The following LGSN variants were observed in gnomAD, a reference collection of about 807,000 sequenced individuals.
LGSN encodes the protein lengsin, lens protein with glutamine synthetase domain, also known as lengsin.
LGSN carries 21 observed loss-of-function variants against 19.5 expected under a neutral mutation model. The observed-to-expected ratio is 1.07, with a 90% CI of 0.76 to 1.55. The LOEUF (loss-of-function observed/expected upper bound fraction) is 1.55, where lower values mean the gene tolerates loss of function less well. Ranked by LOEUF, LGSN falls within the 40% of genes most tolerant of loss-of-function variation. The pLI, the probability that LGSN is intolerant of heterozygous loss-of-function variation, is 0.00. For synonymous variants in LGSN, 257 were observed against 215.6 expected (o/e 1.19, Z -1.68); for missense variants, 673 against 608.5 (o/e 1.11, Z -1.12).
the LGSN span, among the ~76,000 whole-genome samples, chr6:63,378,217 T>C: frequency 6.6e-6 from 1 of 152,046 alleles, no homozygotes; most frequent in African/African-American, 2.4e-5. Flanking sequence ...AGACAACATC[T>C]CATATCCGCA....
At chr6:63,405,468 A>T in the LGSN span, among the ~76,000 whole-genome samples, 17,523 of 152,064 alleles carry the variant, frequency 0.12, 2,015 homozygotes, top group African/African-American at 0.3. Flanking sequence ...TCAGCACCTG[A>T]TGTTTCCTGA....
At chr6:63,375,016 A>G in the LGSN span, among the ~76,000 whole-genome samples, 1 of 152,186 alleles carries the variant, frequency 6.6e-6, no homozygotes, top group African/African-American at 2.4e-5. Flanking sequence ...TTTGACACAA[A>G]TGTTTCCTAA....
chr6:63,315,966 A>G (rs960388952), intron 1 of LGSN, among the ~76,000 whole-genome samples: 2 of 152,008 alleles, frequency 1.3e-5, no homozygotes, highest in Admixed American at 6.6e-5. Context: ...ATCCAGATAA[A>G]TTGCTTGGAA....
At chr6:63,368,266 G>A in the LGSN span, among the ~76,000 whole-genome samples, 2 of 152,110 alleles carry the variant, frequency 1.3e-5, no homozygotes, top group Non-Finnish European at 1.5e-5. Context: ...GACCCTTAAA[G>A]GCTATCTGGT....
chr6:63,480,773 A>G, the LGSN span, among the ~76,000 whole-genome samples: 2 of 151,326 alleles, frequency 1.3e-5, no homozygotes, highest in Admixed American at 1.3e-4. Flanking sequence ...CATTTGGTCC[A>G]GCAATTCCAC....
At chr6:63,531,388 T>C in the LGSN span, among the ~76,000 whole-genome samples, 1 of 112,056 alleles carries the variant, frequency 8.9e-6, no homozygotes, top group Non-Finnish European at 1.7e-5. Flanking sequence ...AAAATGAACA[T>C]TTATTTGGAA....
the LGSN span, among the ~76,000 whole-genome samples, chr6:63,332,164 T>C: frequency 1.1e-4 from 16 of 152,282 alleles, no homozygotes; most frequent in Admixed American, 2.6e-4. Flanking sequence ...GACAGGGCTT[T>C]GGGCAAAAAT....
At chr6:63,429,643 G>A in the LGSN span, among the ~76,000 whole-genome samples, 2 of 151,824 alleles carry the variant, frequency 1.3e-5, no homozygotes, top group Admixed American at 6.6e-5. Flanking sequence ...AGCTGAGGCA[G>A]GAGAATCGCT....
At chr6:63,549,545 T>C in the LGSN span, 59 of 627,418 alleles carry the variant, frequency 9.4e-5, no homozygotes, top group Middle Eastern at 2.1e-3. Flanking sequence ...TTAAAGGTGA[T>C]AAATGTTGAC....
chr6:63,386,130 A>T, the LGSN span, among the ~76,000 whole-genome samples: 8 of 152,240 alleles, frequency 5.3e-5, no homozygotes, highest in Admixed American at 1.3e-4. Context: ...AAGGATTTAT[A>T]AAATATTAAA....
At chr6:63,556,572 A>G in the LGSN span, among the ~76,000 whole-genome samples, 5 of 152,156 alleles carry the variant, frequency 3.3e-5, no homozygotes, top group African/African-American at 1.2e-4. Flanking sequence ...TATGCCTCAT[A>G]ATGCATAATG....
At chr6:63,305,359 G>T (rs1768340766) in intron 1 of LGSN, among the ~76,000 whole-genome samples, 1 of 152,140 alleles carries the variant, frequency 6.6e-6, no homozygotes, top group Non-Finnish European at 1.5e-5. Context: ...TGACGTCAAT[G>T]CCTAAGGTTT....
intron 3 of LGSN, among the ~76,000 whole-genome samples, chr6:63,284,405 A>C (rs1351079009): frequency 6.6e-6 from 1 of 152,218 alleles, no homozygotes; most frequent in East Asian, 1.9e-4. Flanking sequence ...AAGTATGCAG[A>C]ATTTTTCTCT....
the LGSN span, among the ~76,000 whole-genome samples, chr6:63,446,782 G>C: frequency 3.0e-4 from 46 of 152,200 alleles, no homozygotes; most frequent in Non-Finnish European, 8.8e-5. Flanking sequence ...GGGAGCAGTG[G>C]CTCATGCCTG....
chr6:63,390,746 C>G, the LGSN span, among the ~76,000 whole-genome samples: 1 of 150,964 alleles, frequency 6.6e-6, no homozygotes, highest in South Asian at 2.1e-4. Context: ...GTAGTCCCAG[C>G]TACTCGGGAG....
chr6:63,318,278 T>C (rs1768942106), intron 1 of LGSN, among the ~76,000 whole-genome samples: 1 of 152,210 alleles, frequency 6.6e-6, no homozygotes, highest in African/African-American at 2.4e-5. Flanking sequence ...CGGAATCCAC[T>C]GAGCTTTTGT....
the LGSN span, among the ~76,000 whole-genome samples, chr6:63,453,701 T>C: frequency 6.6e-6 from 1 of 152,226 alleles, no homozygotes; most frequent in African/African-American, 2.4e-5. Context: ...TTGCCCAGGC[T>C]GGAGTGCAGT....
upstream of LGSN, among the ~76,000 whole-genome samples, chr6:63,323,939 C>T (rs1741812): frequency 0.053 from 8,004 of 151,742 alleles, 704 homozygotes; most frequent in African/African-American, 0.18. Flanking sequence ...ACCTGGATAA[C>T]TTTTAGTATT....
the LGSN span, among the ~76,000 whole-genome samples, chr6:63,545,952 A>C: frequency 1.3e-5 from 2 of 152,244 alleles, no homozygotes; most frequent in East Asian, 3.8e-4. Context: ...AAGAATATCC[A>C]GAAAGTAGTT....
Sources: allele counts gnomAD v4.1 joint callset (sites outside exome capture counted in the v4.1 genomes callset), GRCh38; gene constraint gnomAD v4.1.1; transcripts MANE v1.5; gene names NCBI Gene and HGNC (gene_info 2026-07-23, HGNC 2026-07-21).